The following COL13A1 variants were observed in gnomAD, a reference collection of about 807,000 sequenced individuals.
COL13A1 encodes collagen type XIII alpha 1 chain, also known as collagen alpha-1(XIII) chain.
A neutral mutation model predicts 130.9 loss-of-function variants in COL13A1; 89 were observed. The observed-to-expected ratio is 0.68, with a 90% CI of 0.57 to 0.81. The LOEUF (loss-of-function observed/expected upper bound fraction) is 0.81, where lower values mean the gene tolerates loss of function less well. Ranked by LOEUF, COL13A1 falls within the 30% of genes least tolerant of loss-of-function variation. The pLI is 0.00. For missense variants in COL13A1, 879 were observed against 934.6 expected (o/e 0.94, Z 0.78); for synonymous variants, 402 against 341.6 (o/e 1.18, Z -1.95).
At chr10:69,896,754 CG>C (rs150690420) in intron 13 of COL13A1, among the ~76,000 whole-genome samples, 2 of 152,082 alleles carry the variant, frequency 1.3e-5, no homozygotes, top group African/African-American at 4.8e-5. Context: ...AAGGCTACGG[CG>C]GTGCTGGGCC....
At chr10:69,931,434 T>C (rs901336563) in intron 30 of COL13A1, among the ~76,000 whole-genome samples, 2 of 152,166 alleles carry the variant, frequency 1.3e-5, no homozygotes, top group Non-Finnish European at 2.9e-5. Context: ...GCTACTTCAT[T>C]TGAGTGTAAA....
chr10:69,951,638 T>G (rs1337290047), intron 38 of COL13A1, among the ~76,000 whole-genome samples: 2 of 152,220 alleles, frequency 1.3e-5, no homozygotes, highest in South Asian at 2.1e-4. Context: ...ATGCTGGGAT[T>G]ACAGACATGA....
At position 69,945,888 on chromosome 10, in the gene COL13A1, C is replaced by T. The variant is rs146882732; in HGVS notation, c.2022+164C>T. 8.9e-4 allele frequency among the ~76,000 whole-genome samples: 136 copies of T among 152,116 alleles called. 2 individuals carry two copies. In the East Asian group the frequency reaches 0.019, roughly 21 times the overall value. ...GAGATCAAGACTATCCTGGCCAACA[C>T]GGTGAAACCCCGTCTTTACTAAAAA... On this transcript the variant is annotated intron_variant, in intron 37 of 40. Coordinates refer to ENST00000645393, the MANE Select transcript of COL13A1 (RefSeq NM_001368882.1).
Position 69,802,564 on chromosome 10 carries a change from G to A in COL13A1, c.141G>A (p.Leu47=), listed in dbSNP as rs989375465. Residue 47 remains leucine (L), a synonymous_variant, in exon 1 of 41, where the codon CTG becomes CTA. Coordinates refer to ENST00000645393, the MANE Select transcript of COL13A1 (RefSeq NM_001368882.1). ...TGCCGAGTCCAGGGTCGTGCGGGCT[G>A]CTGACGCTGGCCCTCTGCTCGCTGG... is the stretch of plus-strand genomic sequence containing the variant. The part of the protein sequence containing the change: ...ARLPSPGSCG[L]LTLALCSLAL... 12 of 1,609,842 alleles carry A rather than the reference G, an allele frequency of 7.5e-6. No individual in the cohort carries two copies. The African/African-American group carries it at 1.5e-4, about 20-fold the overall frequency.
intron 2 of COL13A1, among the ~76,000 whole-genome samples, chr10:69,864,983 G>A (rs1211048934): frequency 6.6e-6 from 1 of 152,234 alleles, no homozygotes; most frequent in Non-Finnish European, 1.5e-5. Context: ...TCCTGAGGAA[G>A]CAGCAGGTGC....
At chr10:69,910,547 C>T (rs1322034591) in intron 17 of COL13A1, among the ~76,000 whole-genome samples, 19 of 152,184 alleles carry the variant, frequency 1.2e-4, no homozygotes, top group Admixed American at 1.1e-3. Flanking sequence ...CAGCCAGACC[C>T]GCAAGGCAGG....
chr10:69,824,355 T>C (rs1434660131), intron 2 of COL13A1, among the ~76,000 whole-genome samples: 1 of 152,246 alleles, frequency 6.6e-6, no homozygotes, highest in Non-Finnish European at 1.5e-5. Flanking sequence ...GACTTGCCTT[T>C]CTCCCTTCCC....
intron 17 of COL13A1, among the ~76,000 whole-genome samples, chr10:69,906,554 A>G (rs1312827255): frequency 6.6e-6 from 1 of 152,138 alleles, no homozygotes; most frequent in Non-Finnish European, 1.5e-5. Flanking sequence ...GGCAGGTCCC[A>G]GTGCATAAAG....
chr10:69,811,261 G>A (rs1163268033), intron 1 of COL13A1, among the ~76,000 whole-genome samples: 2 of 152,186 alleles, frequency 1.3e-5, no homozygotes, highest in Non-Finnish European at 2.9e-5. Context: ...TTGGGTTGCA[G>A]CAGGAGAACC....
intron 4 of COL13A1, among the ~76,000 whole-genome samples, chr10:69,873,143 G>C (rs1021001736): frequency 6.6e-6 from 1 of 151,996 alleles, no homozygotes; most frequent in South Asian, 2.1e-4. Context: ...CCTGAGGCTG[G>C]CACCAGTCTG....
chr10:69,898,873 C>A, intron 14 of COL13A1, 111 bp downstream of exon 14: 1 of 832,670 alleles, frequency 1.2e-6, no homozygotes, highest in South Asian at 1.9e-5. Context: ...GAAATTAAAT[C>A]AGACAAAAAT....
At chr10:69,878,962 C>G (rs1211680086) in intron 6 of COL13A1, among the ~76,000 whole-genome samples, 1 of 152,252 alleles carries the variant, frequency 6.6e-6, no homozygotes, top group Non-Finnish European at 1.5e-5. Context: ...CAATAGTTTC[C>G]CATCTCCAAA....
At chr10:69,857,247 C>G (rs1391912416) in intron 2 of COL13A1, among the ~76,000 whole-genome samples, 1 of 152,220 alleles carries the variant, frequency 6.6e-6, no homozygotes, top group Non-Finnish European at 1.5e-5. Flanking sequence ...CAATTTGTCC[C>G]AACAGTTCAA....
At chr10:69,905,689 C>T in intron 16 of COL13A1, 98 bp from the exon 17 acceptor site, 3 of 1,367,966 alleles carry the variant, frequency 2.2e-6, no homozygotes, top group Non-Finnish European at 3.1e-6. Flanking sequence ...AACTTGGAGT[C>T]ATCGAGAGGA....
At chr10:69,843,041 C>A (rs1028729862) in intron 2 of COL13A1, among the ~76,000 whole-genome samples, 70 of 152,284 alleles carry the variant, frequency 4.6e-4, no homozygotes, top group African/African-American at 1.4e-3. Flanking sequence ...AGCCTAAAGG[C>A]CTTCTGCAAA....
rs140764184 is a variant in COL13A1, at chr10:69,912,757, G to A, written c.922-4532G>A. On this transcript the variant is annotated intron_variant, in intron 17 of 40. Transcript: ENST00000645393. Reference sequence around the variant, plus strand: ...GCCTGACCTTGGCTGGGAGCTGACCGTAAAGCCCCCTTCCTTCCTCTAGAC... The same window carrying A: ...GCCTGACCTTGGCTGGGAGCTGACCATAAAGCCCCCTTCCTTCCTCTAGAC... Among the ~76,000 whole-genome samples, 600 of 152,310 alleles carry A rather than the reference G, an allele frequency of 3.9e-3. 5 individuals are homozygous for A. The highest frequency in any genetic ancestry group is 0.01 in the Middle Eastern group (3 of 294).
Position 69,922,782 on chromosome 10 carries a change from C to T in COL13A1, c.1218C>T (p.Pro406=), listed in dbSNP as rs1285687820. 1.3e-6 allele frequency: 2 copies of T among 1,590,210 alleles called. No homozygotes were observed. The highest frequency in any genetic ancestry group is 2.7e-5 in the African/African-American group (2 of 74,644). The change falls in exon 23 of 41, where the codon CCC becomes CCT. Residue 406 remains proline, a synonymous_variant. Coordinates refer to ENST00000645393, the MANE Select transcript of COL13A1 (RefSeq NM_001368882.1). ...GEPGPPGLPG[P]PGPKGEAGVD... ...CTGGCCCTCCAGGGCTCCCTGGGCC[C>T]CCAGGGCCAAAGGTGAGTGTTCCCT...
intron 17 of COL13A1, among the ~76,000 whole-genome samples, chr10:69,913,868 G>A (rs779426722): frequency 2.0e-5 from 3 of 151,944 alleles, no homozygotes; most frequent in Non-Finnish European, 2.9e-5. Flanking sequence ...GCAAGGGGGT[G>A]GGAGGGAGGG....
intron 2 of COL13A1, among the ~76,000 whole-genome samples, chr10:69,867,500 T>C (rs1460784652): frequency 6.6e-6 from 1 of 152,154 alleles, no homozygotes; most frequent in African/African-American, 2.4e-5. Flanking sequence ...TTCAGGCAGG[T>C]CCCGTAGAGC....
Sources: allele counts gnomAD v4.1 joint callset (sites outside exome capture counted in the v4.1 genomes callset), GRCh38; gene constraint gnomAD v4.1.1; transcripts MANE v1.5; gene names NCBI Gene and HGNC (gene_info 2026-07-23, HGNC 2026-07-21).